EPHB1: variants seen among roughly 807,000 people sequenced by gnomAD.
EPHB1 encodes the protein EPH receptor B1, also known as ephrin type-B receptor 1.
Under a neutral mutation model 94.4 loss-of-function variants are expected in EPHB1, and 30 were observed. The ratio of observed to expected loss-of-function variants is 0.32; its 90% confidence interval spans 0.24 to 0.43. The LOEUF (loss-of-function observed/expected upper bound fraction) is 0.43. Among genes scored for constraint, EPHB1 ranks in the 20% least tolerant of loss-of-function variants. The pLI is 1.00. For missense variants in EPHB1, 1,055 were observed against 1,308.3 expected (o/e 0.81, Z 2.99); for synonymous variants, 522 against 489.1 (o/e 1.07, Z -0.89).
chr3:135,186,397 C>G (rs145410738), intron 10 of EPHB1, among the ~76,000 whole-genome samples: 2,329 of 152,320 alleles, frequency 0.015, 24 homozygotes, highest in Middle Eastern at 0.037. Context: ...TGGTTCTGCT[C>G]TCCCTGGTTT....
chr3:134,957,060 A>G (rs1220793339), intron 3 of EPHB1, among the ~76,000 whole-genome samples: 1 of 152,236 alleles, frequency 6.6e-6, no homozygotes, highest in East Asian at 1.9e-4. Context: ...TGGTCTAGGC[A>G]GGTGGTCTTT....
At chr3:135,078,264 C>A (rs1938019415) in intron 3 of EPHB1, among the ~76,000 whole-genome samples, 1 of 152,162 alleles carries the variant, frequency 6.6e-6, no homozygotes, top group Admixed American at 6.5e-5. Context: ...AGAGAAGAAG[C>A]TGATATCTCC....
chr3:135,155,982 A>G (rs1423482268), intron 6 of EPHB1, among the ~76,000 whole-genome samples: 2 of 151,962 alleles, frequency 1.3e-5, no homozygotes, highest in African/African-American at 4.8e-5. Context: ...GGGTAAAAGC[A>G]GAGGGCTGTT....
intron 3 of EPHB1, among the ~76,000 whole-genome samples, chr3:134,991,853 G>T (rs1934816306): frequency 6.6e-6 from 1 of 152,146 alleles, no homozygotes; most frequent in Non-Finnish European, 1.5e-5. Flanking sequence ...CAATGAGACA[G>T]AGTCCCTGTT....
At chr3:135,255,001 C>T (rs1412642226) in intron 15 of EPHB1, among the ~76,000 whole-genome samples, 1 of 152,118 alleles carries the variant, frequency 6.6e-6, no homozygotes, top group Non-Finnish European at 1.5e-5. Context: ...AGTTTATTTG[C>T]GTAGAGGTGT....
At chr3:134,896,329 C>A (rs2038086475) in intron 1 of EPHB1, among the ~76,000 whole-genome samples, 1 of 152,160 alleles carries the variant, frequency 6.6e-6, no homozygotes, top group Non-Finnish European at 1.5e-5. Flanking sequence ...TGGCTGCCCT[C>A]TTCCATAATC....
chr3:134,869,456 T>C (rs2037450777), intron 1 of EPHB1, among the ~76,000 whole-genome samples: 1 of 152,060 alleles, frequency 6.6e-6, no homozygotes, highest in Non-Finnish European at 1.5e-5. Flanking sequence ...TTTTTCATGC[T>C]CTCCCAGGAA....
intron 6 of EPHB1, among the ~76,000 whole-genome samples, chr3:135,159,334 A>G (rs978686790): frequency 6.6e-6 from 1 of 152,254 alleles, no homozygotes; most frequent in Non-Finnish European, 1.5e-5. Flanking sequence ...ATTATGGAGT[A>G]ATGTTTGGTC....
In EPHB1 at chr3:134,837,044, T is replaced by C. The variant is rs377231042; in HGVS notation, c.58+41355T>C. On this transcript the variant is annotated intron_variant, in intron 1 of 15. Transcript: ENST00000398015. ...AATATCCATCTCTTAACATGTTCAC[T>C]CTCAGCTTTGACACATGGAGTTGAT... Among the ~76,000 whole-genome samples the C allele has an allele frequency of 7.8e-4, 119 of 152,370 alleles. 1 individual carries two copies. The South Asian group carries it at 0.016, about 21-fold the overall frequency.
At chr3:134,989,795 ATTATT>A (rs996474422) in intron 3 of EPHB1, among the ~76,000 whole-genome samples, 1 of 152,228 alleles carries the variant, frequency 6.6e-6, no homozygotes, top group African/African-American at 2.4e-5. Flanking sequence ...TTCCTGGAAG[ATTATT>A]TTAAGATTAA....
chr3:135,077,018 C>T (rs1363426300), intron 3 of EPHB1, among the ~76,000 whole-genome samples: 1 of 152,008 alleles, frequency 6.6e-6, no homozygotes, highest in East Asian at 1.9e-4. Flanking sequence ...TACAAATTTA[C>T]CAAGAATCAT....
At chr3:134,915,697 C>T (rs548690710) in intron 1 of EPHB1, among the ~76,000 whole-genome samples, 59 of 152,192 alleles carry the variant, frequency 3.9e-4, no homozygotes, top group African/African-American at 1.3e-3. Flanking sequence ...TGCAGACCTT[C>T]GCAGTGAGGG....
At chr3:135,104,209 G>C (rs1279814245) in intron 3 of EPHB1, among the ~76,000 whole-genome samples, 2 of 152,216 alleles carry the variant, frequency 1.3e-5, no homozygotes, top group African/African-American at 4.8e-5. Context: ...GGCCAGGAAG[G>C]CTGGGGATTT....
At position 135,166,523 on chromosome 3, in the gene EPHB1, C is replaced by T. The variant is rs77654410; in HGVS notation, c.1695-419C>T. Among the ~76,000 whole-genome samples, 68 of 152,284 alleles carry T rather than the reference C, an allele frequency of 4.5e-4. No individual in the cohort carries two copies. The East Asian group carries it at 0.012, about 27-fold the overall frequency. On this transcript the variant is annotated intron_variant, in intron 8 of 15. Coordinates refer to ENST00000398015, the MANE Select transcript of EPHB1 (RefSeq NM_004441.5). Reference sequence around the variant, plus strand: ...CTGAGTTCTGCAGAAAAGCTGGCCCCGAAAGCCTTGTGATTTTTTAATACT... The same window carrying T: ...CTGAGTTCTGCAGAAAAGCTGGCCCTGAAAGCCTTGTGATTTTTTAATACT...
intron 3 of EPHB1, among the ~76,000 whole-genome samples, chr3:134,994,895 C>T (rs1934937823): frequency 1.3e-5 from 2 of 152,072 alleles, no homozygotes; most frequent in Admixed American, 6.5e-5. Flanking sequence ...ATGGTAACAC[C>T]TCATGTAACT....
intron 3 of EPHB1, among the ~76,000 whole-genome samples, chr3:135,037,793 G>A (rs1351732471): frequency 6.6e-6 from 1 of 152,190 alleles, no homozygotes; most frequent in Non-Finnish European, 1.5e-5. Context: ...TTTCTGCATT[G>A]AGTGGGTACA....
At chr3:135,024,410 A>G (rs2107756025) in intron 3 of EPHB1, among the ~76,000 whole-genome samples, 1 of 152,298 alleles carries the variant, frequency 6.6e-6, no homozygotes, top group South Asian at 2.1e-4. Context: ...TTTTAATCCC[A>G]GAGAGGGGAA....
intron 10 of EPHB1, among the ~76,000 whole-genome samples, chr3:135,183,026 T>TTTTCTTTTCTTTTCTTTTCTTTTC (rs1553745483): frequency 1.4e-3 from 133 of 94,534 alleles, no homozygotes; most frequent in Middle Eastern, 6.2e-3. Flanking sequence ...TTTTCTTTTC[T>TTTTCTTTTCTTTTCTTTTCTTTTC]TTTCTTTCTT....
At chr3:135,120,575 G>A (rs1939916245) in intron 4 of EPHB1, among the ~76,000 whole-genome samples, 1 of 152,164 alleles carries the variant, frequency 6.6e-6, no homozygotes, top group Non-Finnish European at 1.5e-5. Flanking sequence ...TCTATGAAAT[G>A]TCAAAATCAG....
Sources: gnomAD v4.1 joint callset for allele counts (sites outside exome capture counted in the v4.1 genomes callset) on GRCh38, gnomAD v4.1.1 for gene constraint, MANE v1.5 for transcripts, NCBI Gene and HGNC (gene_info 2026-07-23, HGNC 2026-07-21) for gene names.